Variants in GRID1 observed in about 807,000 individuals in gnomAD.
GRID1 encodes the protein glutamate ionotropic receptor delta type subunit 1.
GRID1 carries 28 observed loss-of-function variants against 98.0 expected under a neutral mutation model. The ratio of observed to expected loss-of-function variants is 0.29; its 90% confidence interval spans 0.21 to 0.39. The LOEUF is 0.39. Ranked by LOEUF, GRID1 falls within the 10% of genes least tolerant of loss-of-function variation. The pLI is 1.00. For synonymous variants in GRID1, 553 were observed against 538.5 expected (o/e 1.03, Z -0.37); for missense variants, 1,111 against 1,340.5 (o/e 0.83, Z 2.67).
intron 2 of GRID1, among the ~76,000 whole-genome samples, chr10:86,237,914 C>T (rs1031935780): frequency 6.6e-6 from 1 of 151,862 alleles, no homozygotes; most frequent in Non-Finnish European, 1.5e-5. Context: ...ATTTGAGAAC[C>T]GACGAATACA....
intron 4 of GRID1, among the ~76,000 whole-genome samples, chr10:86,065,448 T>C (rs1370377165): frequency 6.6e-6 from 1 of 152,248 alleles, no homozygotes; most frequent in Non-Finnish European, 1.5e-5. Context: ...CTTCCGGCCT[T>C]GGCTCCAGCA....
intron 4 of GRID1, among the ~76,000 whole-genome samples, chr10:86,042,662 G>A (rs1407695114): frequency 6.6e-6 from 1 of 152,196 alleles, no homozygotes; most frequent in Non-Finnish European, 1.5e-5. Flanking sequence ...GACTTGCCAG[G>A]AGGAGGTGGT....
At chr10:86,013,653 G>A (rs555372561) in intron 4 of GRID1, among the ~76,000 whole-genome samples, 1 of 152,284 alleles carries the variant, frequency 6.6e-6, no homozygotes, top group East Asian at 1.9e-4. Flanking sequence ...TCCTTCCTGA[G>A]GTCCATAGCA....
At chr10:85,739,420 T>C (rs534309417) in intron 8 of GRID1, among the ~76,000 whole-genome samples, 218 of 151,468 alleles carry the variant, frequency 1.4e-3, no homozygotes, top group African/African-American at 5.0e-3. Flanking sequence ...TCTCTAAAAA[T>C]AAACAAATAA....
intron 12 of GRID1, chr10:85,650,018 C>T (rs1331572920): frequency 2.6e-5 from 4 of 152,236 alleles, no homozygotes; most frequent in Admixed American, 1.3e-4. Context: ...GGGGGCACTA[C>T]CATCTTATTC....
At chr10:86,362,395 T>G (rs1304954853) in intron 2 of GRID1, among the ~76,000 whole-genome samples, 3 of 152,112 alleles carry the variant, frequency 2.0e-5, no homozygotes, top group Non-Finnish European at 4.4e-5. Context: ...AGACTGCTGG[T>G]GGGACACGAC....
chr10:85,861,069 T>C (rs1170590268), intron 6 of GRID1, among the ~76,000 whole-genome samples: 2 of 152,202 alleles, frequency 1.3e-5, no homozygotes, highest in Non-Finnish European at 2.9e-5. Flanking sequence ...TTTCAATATG[T>C]ATGAGCTGAG....
chr10:85,821,516 CAAAAAAAA>C (rs1157209045), intron 8 of GRID1, among the ~76,000 whole-genome samples: 8 of 9,110 alleles, frequency 8.8e-4, no homozygotes, highest in Admixed American at 3.1e-3. Context: ...GACTTCATCT[CAAAAAAAA>C]AAAAAAAAAA....
At chr10:86,341,141 T>TC (rs1848304372) in intron 2 of GRID1, among the ~76,000 whole-genome samples, 2 of 152,102 alleles carry the variant, frequency 1.3e-5, no homozygotes, top group Non-Finnish European at 2.9e-5. Context: ...GTATCCTCCC[T>TC]CCTCCTTATT....
At chr10:86,004,727 T>TGCACACACACACTC (rs1842840287) in intron 4 of GRID1, among the ~76,000 whole-genome samples, 1 of 76,794 alleles carries the variant, frequency 1.3e-5, no homozygotes, top group Non-Finnish European at 2.6e-5. Flanking sequence ...TCTCTCTTTC[T>TGCACACACACACTC]ACACACACAC....
At chr10:85,622,792 C>T (rs762294754) in intron 13 of GRID1, among the ~76,000 whole-genome samples, 9 of 152,126 alleles carry the variant, frequency 5.9e-5, no homozygotes, top group South Asian at 2.1e-4. Flanking sequence ...GGGAGTATAA[C>T]AGTGTGGAGA....
At chr10:86,002,530 T>G (rs1173062214) in intron 4 of GRID1, among the ~76,000 whole-genome samples, 2 of 152,178 alleles carry the variant, frequency 1.3e-5, no homozygotes, top group African/African-American at 4.8e-5. Context: ...AAATGCCTTG[T>G]TTAACCTCCT....
At chr10:85,808,710 G>A (rs1267597105) in intron 8 of GRID1, among the ~76,000 whole-genome samples, 2 of 152,132 alleles carry the variant, frequency 1.3e-5, no homozygotes, top group African/African-American at 4.8e-5. Context: ...ATAGGACCAA[G>A]ATGATTTGTT....
chr10:85,706,901 C>T (rs892926091), intron 12 of GRID1, among the ~76,000 whole-genome samples: 2 of 152,190 alleles, frequency 1.3e-5, no homozygotes, highest in African/African-American at 2.4e-5. Context: ...GGAAAACTGG[C>T]TAGCCATATG....
intron 4 of GRID1, among the ~76,000 whole-genome samples, chr10:86,103,306 C>A: frequency 6.6e-6 from 1 of 152,184 alleles, no homozygotes; most frequent in African/African-American, 2.4e-5. Flanking sequence ...TGAGGCTGAC[C>A]TCCTGGGGCC....
At chr10:86,335,820 C>T (rs892434640) in intron 2 of GRID1, among the ~76,000 whole-genome samples, 1 of 152,230 alleles carries the variant, frequency 6.6e-6, no homozygotes, top group Non-Finnish European at 1.5e-5. Flanking sequence ...TTTCAAACTC[C>T]TCACACTTCC....
intron 8 of GRID1, among the ~76,000 whole-genome samples, chr10:85,809,567 G>A (rs142559504): frequency 6.6e-6 from 1 of 152,306 alleles, no homozygotes; most frequent in African/African-American, 2.4e-5. Context: ...TAGACAAAAG[G>A]AGTGCTATCA....
intron 14 of GRID1, among the ~76,000 whole-genome samples, chr10:85,615,911 CAGT>C (rs779243923): frequency 7.9e-5 from 12 of 152,210 alleles, no homozygotes; most frequent in Admixed American, 5.9e-4. Context: ...TATGGATAGA[CAGT>C]AGAGCTTCGT....
chr10:86,083,255 G>C (rs913008040), intron 4 of GRID1, among the ~76,000 whole-genome samples: 1 of 152,208 alleles, frequency 6.6e-6, no homozygotes, highest in Non-Finnish European at 1.5e-5. Flanking sequence ...TCTTAGAAGG[G>C]TACCAGGGCT....
Sources: allele counts gnomAD v4.1 joint callset (sites outside exome capture counted in the v4.1 genomes callset), GRCh38; gene constraint gnomAD v4.1.1; transcripts MANE v1.5; gene names NCBI Gene and HGNC (gene_info 2026-07-23, HGNC 2026-07-21).